Variants in GPC5 observed in about 807,000 individuals in gnomAD.
GPC5 encodes the protein glypican 5.
GPC5 carries 47 observed loss-of-function variants against 53.9 expected under a neutral mutation model. The ratio of observed to expected loss-of-function variants is 0.87; its 90% confidence interval spans 0.69 to 1.11. The LOEUF is 1.11. Among genes scored for constraint, GPC5 ranks in the 50% most tolerant of loss-of-function variants. The probability of loss-of-function intolerance (pLI) is 0.00; values close to 1 mark genes in which losing one functional copy is unlikely to be tolerated. For synonymous variants in GPC5, 286 were observed against 263.3 expected (o/e 1.09, Z -0.84); for missense variants, 748 against 713.1 (o/e 1.05, Z -0.56).
chr13:91,658,063 C>T (rs531863540), intron 2 of GPC5, among the ~76,000 whole-genome samples: 2 of 151,980 alleles, frequency 1.3e-5, no homozygotes, highest in African/African-American at 2.4e-5. Flanking sequence ...TTCCTCTTTA[C>T]AAAATATTTT....
At chr13:92,678,278 C>T (rs2060565676) in intron 7 of GPC5, among the ~76,000 whole-genome samples, 1 of 152,208 alleles carries the variant, frequency 6.6e-6, no homozygotes, top group South Asian at 2.1e-4. Flanking sequence ...CAGTTTTATG[C>T]CTAATTATGT....
intron 7 of GPC5, among the ~76,000 whole-genome samples, chr13:92,176,053 G>C (rs1251208959): frequency 6.6e-6 from 1 of 152,182 alleles, no homozygotes; most frequent in East Asian, 1.9e-4. Context: ...CATTGCTAGT[G>C]TTTGTTTTCC....
In GPC5 at chr13:91,813,898, G is replaced by A. The variant is rs528770789; in HGVS notation, c.1280+57478G>A. On this transcript the variant is annotated intron_variant, in intron 5 of 7. Transcript: ENST00000377067. ...ACTGGTTTTGATAAGATAATATTTA[G>A]ACTGTTGGATTATCTTAACTGATTT... Among the ~76,000 whole-genome samples the A allele has an allele frequency of 4.2e-5, 6 of 141,326 alleles. No individual in the cohort carries two copies. The East Asian group carries it at 1.3e-3, about 30-fold the overall frequency. The allele number at this position is 141,326 out of a possible 152,430, so 92.7% of individuals were successfully genotyped here.
At chr13:92,602,111 G>A (rs937244891) in intron 7 of GPC5, among the ~76,000 whole-genome samples, 17 of 145,778 alleles carry the variant, frequency 1.2e-4, no homozygotes, top group African/African-American at 4.3e-4. Flanking sequence ...ATTAATTAAT[G>A]AAAGTATTAT....
Position 91,728,565 on chromosome 13 carries a change from C to T in GPC5, c.1054C>T (p.Pro352Ser), listed in dbSNP as rs1266403627. The change falls in exon 4 of 8, where the codon CCC becomes TCC. Residue 352 changes from proline (P) to serine (S), a missense_variant. Coordinates refer to ENST00000377067, the MANE Select transcript of GPC5 (RefSeq NM_004466.6). ...GATTTGTGGCCGCCCTGTAAGAACA[C>T]CCACACAAAGCCCCCGTTGTTCTTT... ...NRICGRPVRT[P>S]TQSPRCSFDQ... 1.9e-6 allele frequency: 3 copies of T among 1,612,376 alleles called. No individual in the cohort carries two copies. The highest frequency in any genetic ancestry group is 3.3e-5 in the Admixed American group (2 of 59,922).
chr13:92,340,204 A>G (rs995335522), intron 7 of GPC5, among the ~76,000 whole-genome samples: 8 of 152,154 alleles, frequency 5.3e-5, no homozygotes, highest in Non-Finnish European at 1.0e-4. Flanking sequence ...TTGTATGAAA[A>G]TGGTAATTAT....
intron 2 of GPC5, among the ~76,000 whole-genome samples, chr13:91,600,886 T>C (rs1442179910): frequency 6.6e-6 from 1 of 152,148 alleles, no homozygotes; most frequent in East Asian, 1.9e-4. Flanking sequence ...CCCTCCTCTT[T>C]CCCTCTATAA....
intron 7 of GPC5, among the ~76,000 whole-genome samples, chr13:92,470,624 C>T (rs557787334): frequency 3.3e-5 from 5 of 152,248 alleles, no homozygotes; most frequent in African/African-American, 1.2e-4. Context: ...CTCTGTTCAG[C>T]ATCTTCTCCC....
intron 7 of GPC5, chr13:92,240,131 C>T (rs921145961): frequency 2.0e-5 from 3 of 152,038 alleles, no homozygotes; most frequent in Non-Finnish European, 4.4e-5. Context: ...GTTATCAATA[C>T]TATTCTAATA....
At chr13:92,792,381 T>TG (rs1343113966) in intron 7 of GPC5, among the ~76,000 whole-genome samples, 2 of 152,130 alleles carry the variant, frequency 1.3e-5, no homozygotes, top group African/African-American at 4.8e-5. Context: ...TCACCAGGCC[T>TG]GCCTTACAAG....
intron 7 of GPC5, among the ~76,000 whole-genome samples, chr13:92,201,929 G>C (rs997917888): frequency 4.6e-5 from 7 of 152,198 alleles, no homozygotes; most frequent in Admixed American, 6.5e-5. Context: ...TGGCAACATT[G>C]TGAAGTAGCA....
intron 2 of GPC5, among the ~76,000 whole-genome samples, chr13:91,578,950 G>A (rs1451989518): frequency 6.6e-6 from 1 of 152,036 alleles, no homozygotes; most frequent in Non-Finnish European, 1.5e-5. Flanking sequence ...GGAGGCTGAG[G>A]TGGGAGGATT....
chr13:91,892,918 T>A (rs1332917634), intron 5 of GPC5, among the ~76,000 whole-genome samples: 1 of 151,984 alleles, frequency 6.6e-6, no homozygotes, highest in Non-Finnish European at 1.5e-5. Context: ...TCTTTAACAA[T>A]TATAACTAGC....
intron 2 of GPC5, among the ~76,000 whole-genome samples, chr13:91,666,957 A>C (rs959637549): frequency 2.0e-5 from 3 of 152,166 alleles, no homozygotes; most frequent in African/African-American, 4.8e-5. Flanking sequence ...TTTGAATGTA[A>C]ATAGTGATGA....
chr13:92,376,538 G>C (rs969257431), intron 7 of GPC5, among the ~76,000 whole-genome samples: 6 of 152,096 alleles, frequency 3.9e-5, no homozygotes, highest in African/African-American at 1.4e-4. Context: ...GACTGTTGAC[G>C]AGCTCTATTA....
chr13:92,269,712 G>A (rs1487610937), intron 7 of GPC5, among the ~76,000 whole-genome samples: 4 of 152,072 alleles, frequency 2.6e-5, no homozygotes, highest in Non-Finnish European at 5.9e-5. Flanking sequence ...GGCCCGAAGG[G>A]ATCCTTTGAC....
chr13:91,841,268 G>T (rs752247741), intron 5 of GPC5, among the ~76,000 whole-genome samples: 23 of 151,254 alleles, frequency 1.5e-4, no homozygotes, highest in Non-Finnish European at 2.9e-4. Flanking sequence ...GTAGGCTGTA[G>T]CATTCAATGA....
At chr13:92,066,281 G>A (rs2138859357) in intron 6 of GPC5, among the ~76,000 whole-genome samples, 1 of 152,134 alleles carries the variant, frequency 6.6e-6, no homozygotes, top group Non-Finnish European at 1.5e-5. Context: ...TTTATACAGA[G>A]AAGGGATTCA....
At chr13:92,276,050 TG>T (rs1432483590) in intron 7 of GPC5, among the ~76,000 whole-genome samples, 1 of 152,092 alleles carries the variant, frequency 6.6e-6, no homozygotes, top group Non-Finnish European at 1.5e-5. Flanking sequence ...GAAAATGAAC[TG>T]AGAATTGCTG....
Sources: gnomAD v4.1 joint callset for allele counts (sites outside exome capture counted in the v4.1 genomes callset) on GRCh38, gnomAD v4.1.1 for gene constraint, MANE v1.5 for transcripts, NCBI Gene and HGNC (gene_info 2026-07-23, HGNC 2026-07-21) for gene names.